Variants in CCR1 observed in about 807,000 individuals in gnomAD.
The protein encoded by CCR1 is C-C motif chemokine receptor 1, also known as C-C chemokine receptor type 1.
In CCR1, 1 loss-of-function variant was observed where a neutral mutation model predicts 0.3. The observed-to-expected ratio is 3.70, with a 90% CI of 1.31 to 17.54. The LOEUF (loss-of-function observed/expected upper bound fraction) is 17.54, where lower values mean the gene tolerates loss of function less well. CCR1 is among the 30% of genes most tolerant of loss of function. The pLI is 0.11. For missense variants in CCR1, 349 were observed against 435.4 expected, an observed-to-expected ratio of 0.80 and a Z score of 1.77; for synonymous variants, 207 against 182.5, an observed-to-expected ratio of 1.13 and a Z score of -1.08.
Position 46,203,752 on chromosome 3 carries a change from G to A in CCR1, c.562C>T (p.Pro188Ser), listed in dbSNP as rs769688894. The stretch of plus-strand genomic sequence containing the variant: ...TTCCACTCTCGTAGGCTTTCGTGAG[G>A]AAAGTGAAGGCTGCAGGTGTGGTGA... Reference protein sequence around the residue: ...FTHHTCSLHFPHESLREWKLF... With the variant: ...FTHHTCSLHFSHESLREWKLF... Residue 188 changes from proline (P) to serine (S), a missense_variant, in exon 2 of 2, where the codon CCT becomes TCT. Coordinates refer to ENST00000296140, the MANE Select transcript of CCR1 (RefSeq NM_001295.3). This position sits in a 1 kb window ranked among gnomAD's most constrained non-coding sequence, Gnocchi z 4.5. The A allele has an allele frequency of 6.2e-7, 1 of 1,614,162 alleles. No individual in the cohort carries two copies. Among genetic ancestry groups the A allele is most frequent in the Admixed American group, 1.7e-5 (1 of 60,028 alleles).
rs1699608196 is a variant in CCR1 at position 46,202,779 on chromosome 3, TGGCG to T, written c.*463_*466del. ...TCCAAGTTCTTTGGCAGTGGGAGGG[TGGCG>T]GGGGGGGGGAGGTGATGGAAGAACA... On this transcript the variant is annotated 3_prime_UTR_variant, in exon 2 of 2. Coordinates refer to ENST00000296140, the MANE Select transcript of CCR1 (RefSeq NM_001295.3). 1.6e-5 allele frequency: 1 copy of T among 64,366 alleles called. No individual in the cohort carries two copies. Among genetic ancestry groups the T allele is most frequent in the Non-Finnish European group, 3.1e-5 (1 of 32,512 alleles). 4.0% of individuals were successfully genotyped at this position (64,366 alleles called of 1,614,324 possible).
chr3:46,207,829 G>A (rs1335015041), intron 1 of CCR1, among the ~76,000 whole-genome samples: 1 of 151,960 alleles, frequency 6.6e-6, no homozygotes, highest in East Asian at 1.9e-4. Flanking sequence ...TTTTAGTAGA[G>A]ACAGGGTTTC....
chr3:46,204,082 T>C lies in CCR1; in HGVS notation c.232A>G (p.Ile78Val). ...MTSIYLLNLA[I>V]SDLLFLFTLP... ...GTGAACAGGAAGAGCAGGTCAGAAA[T>C]GGCCAGGTTCAGGAGGTAGATGCTG... Residue 78 changes from isoleucine (I) to valine (V), a missense_variant, in exon 2 of 2, where the codon ATT (isoleucine) becomes GTT (valine). Physicochemically the swap from Ile to Val is conservative, Grantham distance 29 (BLOSUM62 3). Transcript: ENST00000296140. 2.5e-6 allele frequency: 4 copies of C among 1,614,140 alleles called. No homozygotes were observed. In the Admixed American group the frequency reaches 5.0e-5, roughly 20 times the overall value.
chr3:46,203,047 G>T lies in CCR1; in HGVS notation c.*199C>A. ...TGCTCATTCATCTTCTTTCTACCAG[G>T]GGAGAAGTTCATGGAAAAGACTGAA... On this transcript the variant is annotated 3_prime_UTR_variant, in exon 2 of 2. Coordinates refer to ENST00000296140, the MANE Select transcript of CCR1 (RefSeq NM_001295.3). This position sits in a 1 kb window ranked among gnomAD's most constrained non-coding sequence, Gnocchi z 4.5. 1 of 532,412 alleles carries T rather than the reference G, an allele frequency of 1.9e-6. No individual in the cohort carries two copies. The highest frequency in any genetic ancestry group is 3.3e-6 in the Non-Finnish European group (1 of 300,420). The allele number at this position is 532,412 out of a possible 1,614,324, so 33.0% of individuals were successfully genotyped here.
chr3:46,203,799 G>C lies in CCR1; in HGVS notation c.515C>G (p.Ser172Cys). ...ILASMPGLYF[S>C]KTQWEFTHHT... ...GTGAGTGAATTCCCATTGGGTCTTG[G>C]AAAAGTATAAGCCTGGCATGGAAGC... Residue 172 changes from serine (S) to cysteine (C), a missense_variant, in exon 2 of 2, where the codon TCC becomes TGC. By Grantham distance (112) the Ser-to-Cys change is moderately radical. Transcript: ENST00000296140. The surrounding 1 kb of genome is among the most constrained non-coding windows in gnomAD (Gnocchi z 4.5). The C allele has an allele frequency of 6.2e-7, 1 of 1,614,176 alleles. No homozygotes were observed. The highest frequency in any genetic ancestry group is 8.5e-7 in the Non-Finnish European group (1 of 1,180,020).
In CCR1 at chr3:46,203,023, G is replaced by A. The variant is rs910647270; in HGVS notation, c.*223C>T. The A allele has an allele frequency of 1.9e-6, 1 of 514,320 alleles. No individual in the cohort carries two copies. The allele number at this position is 514,320 out of a possible 1,614,324, so 31.9% of individuals were successfully genotyped here. A position where few individuals can be genotyped will look rare whatever the true frequency, so the allele number is the denominator to read the frequency against. On this transcript the variant is annotated 3_prime_UTR_variant, in exon 2 of 2. Transcript: ENST00000296140. The surrounding 1 kb of genome is among the most constrained non-coding windows in gnomAD (Gnocchi z 4.5). Reference sequence around the variant, plus strand: ...CCCAGTCTCTGGAATATTTGGTTTTGCTCATTCATCTTCTTTCTACCAGGG... The same window carrying A: ...CCCAGTCTCTGGAATATTTGGTTTTACTCATTCATCTTCTTTCTACCAGGG...
At position 46,202,344 on chromosome 3, in the gene CCR1, A is replaced by G. The variant is rs1699604057; in HGVS notation, c.*902T>C. The G allele has an allele frequency of 6.6e-6, 1 of 152,124 alleles. No homozygotes were observed. The highest frequency in any genetic ancestry group is 1.5e-5 in the Non-Finnish European group (1 of 68,028). The allele number at this position is 152,124 out of a possible 1,614,324, so 9.4% of individuals were successfully genotyped here. On this transcript the variant is annotated 3_prime_UTR_variant, in exon 2 of 2. Coordinates refer to ENST00000296140, the MANE Select transcript of CCR1 (RefSeq NM_001295.3). ...ACCCTGCTTCCTTTTGCCTGTTATT[A>G]ATCGCTGCAATAAAGCCATTAGAAT...
intron 1 of CCR1, among the ~76,000 whole-genome samples, chr3:46,206,787 A>G (rs1356957165): frequency 6.6e-6 from 1 of 152,164 alleles, no homozygotes; most frequent in Non-Finnish European, 1.5e-5. Flanking sequence ...CCAAAGGACC[A>G]TGTTGTCATC....
Position 46,202,487 on chromosome 3 carries a change from G to C in CCR1, c.*759C>G, listed in dbSNP as rs990434830. 6.6e-6 allele frequency: 1 copy of C among 152,122 alleles called. No individual in the cohort carries two copies. The highest frequency in any genetic ancestry group is 2.4e-5 in the African/African-American group (1 of 41,412). The allele number at this position is 152,122 out of a possible 1,614,324, so 9.4% of individuals were successfully genotyped here. A position where few individuals can be genotyped will look rare whatever the true frequency, so the allele number is the denominator to read the frequency against. ...ATGGCTATTTTAAGAAGCACACCAT[G>C]TTATTCATATGGCCCGTGCTTAGCC... On this transcript the variant is annotated 3_prime_UTR_variant, in exon 2 of 2. Coordinates refer to ENST00000296140, the MANE Select transcript of CCR1 (RefSeq NM_001295.3).
chr3:46,203,743 T>C lies in CCR1; in HGVS notation c.571A>G (p.Ser191Gly). 6.2e-7 allele frequency: 1 copy of C among 1,614,084 alleles called. No homozygotes were observed. Among genetic ancestry groups the C allele is most frequent in the Non-Finnish European group, 8.5e-7 (1 of 1,180,010 alleles). The part of the protein sequence containing the change: ...HTCSLHFPHE[S>G]LREWKLFQAL... ...TGAAACAGCTTCCACTCTCGTAGGC[T>C]TTCGTGAGGAAAGTGAAGGCTGCAG... The change falls in exon 2 of 2, where the codon AGC becomes GGC. Residue 191 changes from serine to glycine, a missense_variant. By Grantham distance (56) the Ser-to-Gly change is moderately conservative (BLOSUM62 0). Coordinates refer to ENST00000296140, the MANE Select transcript of CCR1 (RefSeq NM_001295.3). This position sits in a 1 kb window ranked among gnomAD's most constrained non-coding sequence, Gnocchi z 4.5.
chr3:46,202,991 A>G lies in CCR1; in HGVS notation c.*255T>C, dbSNP rs954905774. On this transcript the variant is annotated 3_prime_UTR_variant, in exon 2 of 2. Transcript: ENST00000296140. ...TTGAGTCCAAGCCCTTCTCTGGTAC[A>G]CTTAGTCCCAGTCTCTGGAATATTT... The G allele has an allele frequency of 6.6e-6, 3 of 453,800 alleles. No homozygotes were observed. The East Asian group carries it at 1.1e-4, about 16-fold the overall frequency. 28.1% of individuals were successfully genotyped at this position (453,800 alleles called of 1,614,324 possible).
intron 1 of CCR1, among the ~76,000 whole-genome samples, chr3:46,207,483 A>G (rs919737755): frequency 6.6e-6 from 1 of 152,166 alleles, no homozygotes; most frequent in Non-Finnish European, 1.5e-5. Flanking sequence ...CAAAGATAGC[A>G]GTGCCAATTT....
At position 46,203,678 on chromosome 3, in the gene CCR1, C is replaced by G. The variant is rs1042805950; in HGVS notation, c.636G>C (p.Leu212Phe). ...CTGTGTAGCAGATGATCATGACCAA[C>G]AAAGGCAATACCAGCCCAAAGAGGT... Reference protein sequence around the residue: ...KLNLFGLVLPLLVMIICYTGI... With the variant: ...KLNLFGLVLPFLVMIICYTGI... Residue 212 changes from leucine (L) to phenylalanine (F), a missense_variant, in exon 2 of 2, where the codon TTG (leucine) becomes TTC (phenylalanine). Coordinates refer to ENST00000296140, the MANE Select transcript of CCR1 (RefSeq NM_001295.3). The surrounding 1 kb of genome is among the most constrained non-coding windows in gnomAD (Gnocchi z 4.5). 2 of 1,614,200 alleles carry G rather than the reference C, an allele frequency of 1.2e-6. No individual in the cohort carries two copies. Among genetic ancestry groups the G allele is most frequent in the Admixed American group, 3.3e-5 (2 of 60,032 alleles).
chr3:46,203,725 G>A lies in CCR1; in HGVS notation c.589C>T (p.Leu197=), dbSNP rs1257954207. 2 of 1,614,050 alleles carry A rather than the reference G, an allele frequency of 1.2e-6. No individual in the cohort carries two copies. The highest frequency in any genetic ancestry group is 1.1e-5 in the South Asian group (1 of 91,090). ...FPHESLREWK[L]FQALKLNLFG... is the part of the protein sequence containing the mutation. Reference sequence around the variant, plus strand: ...AGGTTCAGTTTCAGAGCCTGAAACAGCTTCCACTCTCGTAGGCTTTCGTGA... The same window carrying A: ...AGGTTCAGTTTCAGAGCCTGAAACAACTTCCACTCTCGTAGGCTTTCGTGA... The change falls in exon 2 of 2, where the codon CTG becomes TTG. Residue 197 remains leucine (L), a synonymous_variant. Transcript: ENST00000296140. This position sits in a 1 kb window ranked among gnomAD's most constrained non-coding sequence, Gnocchi z 4.5.
rs760444180 is a variant in CCR1 at position 46,204,245 on chromosome 3, C to T, written c.69G>A (p.Pro23=). The stretch of plus-strand genomic sequence containing the variant: ...AGGCCCTCTCGTTCACCTTCTGGCA[C>T]GGAGTTGCATCCCCATAGTCAAACT... ...TTEFDYGDAT[P]CQKVNERAFG... Residue 23 remains proline, a synonymous_variant, in exon 2 of 2, where the codon CCG becomes CCA. Transcript: ENST00000296140. The T allele has an allele frequency of 5.0e-5, 80 of 1,613,508 alleles. 1 individual carries two copies. The South Asian group carries it at 5.3e-4, about 11-fold the overall frequency.
In CCR1 at chr3:46,204,137, A is replaced by G. The variant is rs1039704215; in HGVS notation, c.177T>C (p.Leu59=). The change falls in exon 2 of 2, where the codon CTT becomes CTC. Residue 59 remains leucine (L), a synonymous_variant. Coordinates refer to ENST00000296140, the MANE Select transcript of CCR1 (RefSeq NM_001295.3). ...TGTTTTTTAGCCTCTTGTATTGCAC[A>G]AGGACCAGGACCACCAGGATGTTTC... is the stretch of plus-strand genomic sequence containing the variant. ...LVGNILVVLV[L]VQYKRLKNMT... is the part of the protein sequence containing the mutation. 2.5e-6 allele frequency: 4 copies of G among 1,614,058 alleles called. No individual in the cohort carries two copies. In the African/African-American group the frequency reaches 4.0e-5, roughly 16 times the overall value.
intron 1 of CCR1, 24 bp from the exon 2 acceptor site, chr3:46,204,348 G>A (rs150055322): frequency 8.0e-7 from 1 of 1,244,438 alleles, no homozygotes; most frequent in Non-Finnish European, 1.1e-6. Flanking sequence ...AAAAAAAAAA[G>A]ATTTGTCTTT....
At position 46,204,331 on chromosome 3, in the gene CCR1, G is replaced by A. The variant is rs1238913704; in HGVS notation, c.-11-7C>T. 3 of 1,446,760 alleles carry A rather than the reference G, an allele frequency of 2.1e-6. No homozygotes were observed. Among genetic ancestry groups the A allele is most frequent in the African/African-American group, 1.6e-5 (1 of 61,394 alleles). The allele number at this position is 1,446,760 out of a possible 1,614,324, so 89.6% of individuals were successfully genotyped here. A position where few individuals can be genotyped will look rare whatever the true frequency, so the allele number is the denominator to read the frequency against. ...GTTTCCATCCCGGCTTCTCCTACAG[G>A]TTAAAAAAAAAAAAAAGATTTGTCT... On this transcript the variant is annotated splice_polypyrimidine_tract_variant and splice_region_variant and intron_variant, in intron 1 of 1. Transcript: ENST00000296140.
intron 1 of CCR1, among the ~76,000 whole-genome samples, chr3:46,204,977 A>G (rs539767994): frequency 6.6e-6 from 1 of 152,270 alleles, no homozygotes; most frequent in African/African-American, 2.4e-5. Context: ...ACAGATATTC[A>G]TGGCTTTTGG....
Sources: gnomAD v4.1 joint callset for allele counts (sites outside exome capture counted in the v4.1 genomes callset) on GRCh38, gnomAD v4.1.1 for gene constraint, Gnocchi (gnomAD v3.1) non-coding constraint, MANE v1.5 for transcripts, NCBI Gene and HGNC (gene_info 2026-07-23, HGNC 2026-07-21) for gene names.